ADGRG6: variants seen among roughly 807,000 people sequenced by gnomAD.
ADGRG6 encodes G-protein coupled receptor 126.
In ADGRG6, 84 loss-of-function variants were observed where a neutral mutation model predicts 142.4. The observed-to-expected ratio is 0.59, with a 90% CI of 0.49 to 0.71. ADGRG6 has a LOEUF of 0.71. Among genes scored for constraint, ADGRG6 ranks in the 30% least tolerant of loss-of-function variants. The pLI, the probability that ADGRG6 is intolerant of heterozygous loss-of-function variation, is 0.00. For missense variants in ADGRG6, 1,367 were observed against 1,466.6 expected (o/e 0.93, Z 1.11); for synonymous variants, 521 against 520.5 (o/e 1.00, Z -0.01).
chr6:142,313,311 A>G (rs1777861136), intron 2 of ADGRG6, among the ~76,000 whole-genome samples: 1 of 152,018 alleles, frequency 6.6e-6, no homozygotes, highest in African/African-American at 2.4e-5. Flanking sequence ...TCAGATAATA[A>G]CTTCTTTTTT....
At chr6:142,417,106 G>A (rs751646179) in intron 20 of ADGRG6, 167 bp from the exon 21 acceptor site, 20 of 673,326 alleles carry the variant, frequency 3.0e-5, no homozygotes, top group Middle Eastern at 7.1e-4. Flanking sequence ...AGGGGATTTT[G>A]TTGTTAACCA....
intron 4 of ADGRG6, among the ~76,000 whole-genome samples, chr6:142,371,811 G>A (rs1781274961): frequency 6.6e-6 from 1 of 152,058 alleles, no homozygotes; most frequent in Non-Finnish European, 1.5e-5. Flanking sequence ...TCACAAAGGT[G>A]ATACAGTAAT....
intron 16 of ADGRG6, among the ~76,000 whole-genome samples, chr6:142,408,567 G>T (rs1775931319): frequency 6.6e-6 from 1 of 152,128 alleles, no homozygotes; most frequent in Non-Finnish European, 1.5e-5. Flanking sequence ...TGCAGATGTA[G>T]TTGCACAATT....
intron 22 of ADGRG6, among the ~76,000 whole-genome samples, chr6:142,420,422 G>A (rs1318088020): frequency 2.6e-5 from 4 of 152,092 alleles, no homozygotes; most frequent in African/African-American, 7.2e-5. Context: ...AGAACCAAAC[G>A]GGGAGTTTAA....
intron 15 of ADGRG6, among the ~76,000 whole-genome samples, chr6:142,406,882 T>A (rs902086475): frequency 6.6e-6 from 1 of 152,134 alleles, no homozygotes; most frequent in Non-Finnish European, 1.5e-5. Flanking sequence ...TGTATGTATG[T>A]AGGTGCCACA....
intron 3 of ADGRG6, 22 bp from the exon 4 acceptor site, chr6:142,370,148 T>C: frequency 1.3e-6 from 2 of 1,571,058 alleles, no homozygotes; most frequent in Non-Finnish European, 1.7e-6. Flanking sequence ...AGGTTTATCT[T>C]TCTTGTTATG....
intron 22 of ADGRG6, 55 bp downstream of exon 22, chr6:142,420,159 A>G (rs1776592788): frequency 1.4e-6 from 2 of 1,409,346 alleles, no homozygotes; most frequent in Non-Finnish European, 9.9e-7. Flanking sequence ...CATATTTGCA[A>G]GCAGCTTCAC....
chr6:142,318,898 G>A lies in ADGRG6; in HGVS notation c.103+9254G>A, dbSNP rs145913427. Among the ~76,000 whole-genome samples the A allele has an allele frequency of 4.7e-4, 72 of 152,154 alleles. No homozygotes were observed. The East Asian group carries it at 0.014, about 29-fold the overall frequency. On this transcript the variant is annotated intron_variant, in intron 2 of 24. Coordinates refer to ENST00000367609, the MANE Select transcript of ADGRG6 (RefSeq NM_198569.3). Reference sequence around the variant, plus strand: ...TTAAGTGAGGGCCGATGCTGACAAAGCTGAATGAGGACTTCCAGCCCAGCA... The same window carrying A: ...TTAAGTGAGGGCCGATGCTGACAAAACTGAATGAGGACTTCCAGCCCAGCA...
chr6:142,413,948 T>C (rs1399503373), intron 18 of ADGRG6, among the ~76,000 whole-genome samples: 1 of 133,762 alleles, frequency 7.5e-6, no homozygotes, highest in Non-Finnish European at 1.6e-5. Context: ...ACTTAAGGCC[T>C]GTGTGTGAGT....
At chr6:142,341,395 AT>A (rs918033914) in intron 2 of ADGRG6, among the ~76,000 whole-genome samples, 5 of 124,212 alleles carry the variant, frequency 4.0e-5, no homozygotes, top group African/African-American at 1.2e-4. Context: ...TATATATTAT[AT>A]TATATAATAT....
At chr6:142,336,583 A>G (rs1165388537) in intron 2 of ADGRG6, among the ~76,000 whole-genome samples, 1 of 152,194 alleles carries the variant, frequency 6.6e-6, no homozygotes, top group Admixed American at 6.5e-5. Context: ...CAATTCTACT[A>G]AAATAAATGT....
Position 142,437,495 on chromosome 6 carries a change from G to A in ADGRG6, c.3381G>A (p.Gln1127=). 6.4e-7 allele frequency: 1 copy of A among 1,568,390 alleles called. No individual in the cohort carries two copies. The highest frequency in any genetic ancestry group is 8.8e-7 in the Non-Finnish European group (1 of 1,138,548). The stretch of plus-strand genomic sequence containing the variant: ...AGAATGTTCAGAAACAGTGGCGGCA[G>A]CATCTCTGCTGTGGTAGATTTCGGT... The part of the protein sequence containing the change: ...MKENVQKQWR[Q]HLCCGRFRLA... The change falls in exon 23 of 25, where the codon CAG becomes CAA. Residue 1127 remains glutamine (Q), a synonymous_variant. Coordinates refer to ENST00000367609, the MANE Select transcript of ADGRG6 (RefSeq NM_198569.3).
intron 5 of ADGRG6, 122 bp from the exon 6 acceptor site, chr6:142,383,638 G>T: frequency 1.6e-6 from 1 of 616,302 alleles, no homozygotes. Context: ...GGAGTCTTTT[G>T]TATTTCAAAG....
intron 16 of ADGRG6, among the ~76,000 whole-genome samples, chr6:142,409,516 T>C (rs1156542263): frequency 6.6e-6 from 1 of 152,160 alleles, no homozygotes; most frequent in Non-Finnish European, 1.5e-5. Context: ...AATTTGTCTA[T>C]GTAAATACCC....
intron 2 of ADGRG6, among the ~76,000 whole-genome samples, chr6:142,351,826 G>A (rs1392134805): frequency 6.6e-6 from 1 of 152,038 alleles, no homozygotes; most frequent in Non-Finnish European, 1.5e-5. Context: ...GATCTATAAG[G>A]AACTTGAACG....
rs557327174 is a variant in ADGRG6 at position 142,438,977 on chromosome 6, G to A, written c.3574+613G>A. ...GAACATGTATGTGAAAAATCCTGAC[G>A]ACACCATGGAAATAAAGAATATTTT... is the stretch of plus-strand genomic sequence containing the variant. On this transcript the variant is annotated intron_variant, in intron 24 of 24. Coordinates refer to ENST00000367609, the MANE Select transcript of ADGRG6 (RefSeq NM_198569.3). Among the ~76,000 whole-genome samples, 8 of 152,096 alleles carry A rather than the reference G, an allele frequency of 5.3e-5. No homozygotes were observed. The South Asian group carries it at 1.2e-3, about 24-fold the overall frequency.
chr6:142,414,347 AC>A (rs1351788075), intron 18 of ADGRG6, among the ~76,000 whole-genome samples: 40 of 152,170 alleles, frequency 2.6e-4, no homozygotes, highest in Admixed American at 2.6e-3. Flanking sequence ...TCCTTTCAGT[AC>A]TATAGGAATA....
chr6:142,432,445 C>T (rs955682305), intron 22 of ADGRG6, among the ~76,000 whole-genome samples: 1 of 152,008 alleles, frequency 6.6e-6, no homozygotes, highest in African/African-American at 2.4e-5. Context: ...AAATACAATA[C>T]CTTAAAATTT....
chr6:142,426,094 C>T (rs553977744), intron 22 of ADGRG6, among the ~76,000 whole-genome samples: 1 of 152,270 alleles, frequency 6.6e-6, no homozygotes, highest in East Asian at 1.9e-4. Context: ...CCTCCCAGAT[C>T]TCATGTCCTC....
Sources: allele counts gnomAD v4.1 joint callset (sites outside exome capture counted in the v4.1 genomes callset), GRCh38; gene constraint gnomAD v4.1.1; transcripts MANE v1.5; gene names NCBI Gene and HGNC (gene_info 2026-07-23, HGNC 2026-07-21).